Variants in SF3B3 observed in about 807,000 individuals in gnomAD.
The protein encoded by SF3B3 is SAP 130.
Under a neutral mutation model 139.2 loss-of-function variants are expected in SF3B3, and 33 were observed. The ratio of observed to expected loss-of-function variants is 0.24; its 90% confidence interval spans 0.18 to 0.32. The LOEUF (loss-of-function observed/expected upper bound fraction) is 0.32, where lower values mean the gene tolerates loss of function less well. Ranked by LOEUF, SF3B3 falls within the 10% of genes least tolerant of loss-of-function variation. SF3B3 has a pLI of 1.00. For synonymous variants in SF3B3, 596 were observed against 563.6 expected (o/e 1.06, Z -0.81); for missense variants, 818 against 1,509.4 (o/e 0.54, Z 7.59).
rs1403325817 is a variant in SF3B3 at position 70,569,043 on chromosome 16, G to A, written c.3166G>A (p.Val1056Met). 1 of 1,605,888 alleles carries A rather than the reference G, an allele frequency of 6.2e-7. No individual in the cohort carries two copies. Among genetic ancestry groups the A allele is most frequent in the Non-Finnish European group, 8.5e-7 (1 of 1,175,920 alleles). Residue 1056 changes from valine (V) to methionine (M), a missense_variant and splice_region_variant, in exon 23 of 26, where the codon GTG (valine) becomes ATG (methionine). Val to Met is a conservative substitution (Grantham distance 21). Around this residue, in one of 14 missense-constraint regions of SF3B3, gnomAD observed 91 missense variants for 171.8 expected, o/e 0.53. Coordinates refer to ENST00000302516, the MANE Select transcript of SF3B3 (RefSeq NM_012426.5). ...GADKFGNICVVRLPPNTNDEV... is the reference protein window; with the variant it reads ...GADKFGNICVMRLPPNTNDEV... ...TGTGACTTGTGTCACTTCCTTGTAG[G>A]TGAGGCTCCCACCTAACACCAATGA...
At chr16:70,538,492 A>G (rs769955341) in intron 7 of SF3B3, 32 bp downstream of exon 7, 3 of 1,570,924 alleles carry the variant, frequency 1.9e-6, no homozygotes, top group South Asian at 2.3e-5. Flanking sequence ...CAGTATAGCT[A>G]CTCTATGAGA....
At chr16:70,563,701 T>C in intron 17 of SF3B3, 175 bp from the exon 18 acceptor site, 1 of 584,146 alleles carries the variant, frequency 1.7e-6, no homozygotes, top group Non-Finnish European at 3.0e-6. Flanking sequence ...CCTTCCTGGA[T>C]CTCTGTGTCT....
rs370612617 is a variant in SF3B3, at chr16:70,535,268, C to A, written c.713-40C>A. Reference sequence around the variant, plus strand: ...AGTTGAAAGCTGAAGAAATTCATGTCTGAGTCAAAGTCACTGCTAAGTTTT... The same window carrying A: ...AGTTGAAAGCTGAAGAAATTCATGTATGAGTCAAAGTCACTGCTAAGTTTT... On this transcript the variant is annotated intron_variant, in intron 5 of 25. Coordinates refer to ENST00000302516, the MANE Select transcript of SF3B3 (RefSeq NM_012426.5). The A allele has an allele frequency of 1.2e-5, 13 of 1,042,250 alleles. No homozygotes were observed. The African/African-American group carries it at 1.5e-4, about 12-fold the overall frequency. The allele number at this position is 1,042,250 out of a possible 1,614,324, so 64.6% of individuals were successfully genotyped here.
chr16:70,541,857 TTCCACAA>T, intron 9 of SF3B3, 23 bp downstream of exon 9: 1 of 1,599,178 alleles, frequency 6.3e-7, no homozygotes, highest in East Asian at 2.2e-5. Context: ...TTCCAGCCCC[TTCCACAA>T]TAGATCTAAA....
At chr16:70,563,673 G>A in intron 17 of SF3B3, 2 of 546,194 alleles carry the variant, frequency 3.7e-6, no homozygotes, top group Non-Finnish European at 6.5e-6. Flanking sequence ...GTGGTAGGGT[G>A]TTGCCAAATG....
At chr16:70,566,057 C>T (rs2050473149) in intron 20 of SF3B3, among the ~76,000 whole-genome samples, 1 of 150,764 alleles carries the variant, frequency 6.6e-6, no homozygotes. Context: ...GCGGAGGTTG[C>T]AGTGAGCCGA....
At chr16:70,543,700 T>C (rs2050241377) in intron 9 of SF3B3, among the ~76,000 whole-genome samples, 1 of 151,460 alleles carries the variant, frequency 6.6e-6, no homozygotes, top group Admixed American at 6.6e-5. Context: ...AGAGTGAGAC[T>C]CTGTCTTAAA....
Position 70,526,739 on chromosome 16 carries a change from G to A in SF3B3, c.70+13G>A, listed in dbSNP as rs745374001. ...GGAAACTTTTCTGGTAAGTTCTCTCGTTACCATCTTTTGAAATTTTAAGTG... is the reference window on the plus strand; with the variant it reads ...GGAAACTTTTCTGGTAAGTTCTCTCATTACCATCTTTTGAAATTTTAAGTG... On this transcript the variant is annotated intron_variant, in intron 2 of 25. Coordinates refer to ENST00000302516, the MANE Select transcript of SF3B3 (RefSeq NM_012426.5). 7.6e-6 allele frequency: 12 copies of A among 1,587,638 alleles called. No individual in the cohort carries two copies. Among genetic ancestry groups the A allele is most frequent in the East Asian group, 6.7e-5 (3 of 44,742 alleles).
intron 16 of SF3B3, 75 bp from the exon 17 acceptor site, chr16:70,561,555 G>T: frequency 7.7e-7 from 1 of 1,299,398 alleles, no homozygotes; most frequent in Non-Finnish European, 1.1e-6. Context: ...TGGGGATAGG[G>T]CTTTTGGTCA....
At chr16:70,529,313 A>G (rs1174434223) in intron 3 of SF3B3, 114 bp downstream of exon 3, 2 of 830,696 alleles carry the variant, frequency 2.4e-6, no homozygotes, top group African/African-American at 3.4e-5. Flanking sequence ...TCATGTTTGG[A>G]TTTACTCTAG....
In SF3B3 at chr16:70,564,063, A is replaced by T; in HGVS notation, c.2463+13A>T. 1.2e-6 allele frequency: 2 copies of T among 1,612,132 alleles called. No homozygotes were observed. Among genetic ancestry groups the T allele is most frequent in the Non-Finnish European group, 1.7e-6 (2 of 1,179,182 alleles). ...GCAGATGGCAGAGGTAATGAGACTA[A>T]CGTTCAGGGGTTCTATTAAAAGATG... On this transcript the variant is annotated intron_variant, in intron 18 of 25. Transcript: ENST00000302516.
chr16:70,568,615 C>A, intron 22 of SF3B3, 120 bp downstream of exon 22: 1 of 739,044 alleles, frequency 1.4e-6, no homozygotes. Flanking sequence ...AAATTCCATC[C>A]TACTAAAGCT....
chr16:70,545,433 G>A lies in SF3B3; in HGVS notation c.1329+900G>A, dbSNP rs570547993. On this transcript the variant is annotated intron_variant, in intron 10 of 25. Coordinates refer to ENST00000302516, the MANE Select transcript of SF3B3 (RefSeq NM_012426.5). ...GTGGGTAGATCATAATTTATTTAGT[G>A]AATCTTTTATTGCTGGACTTTTTAG... 1.8e-4 allele frequency among the ~76,000 whole-genome samples: 28 copies of A among 152,268 alleles called. 1 individual carries two copies. The highest frequency in any genetic ancestry group is 3.4e-3 in the Middle Eastern group (1 of 294).
chr16:70,572,665 G>C lies in SF3B3; in HGVS notation c.*852G>C, dbSNP rs1017721183. The C allele has an allele frequency of 6.5e-6, 1 of 153,372 alleles. No individual in the cohort carries two copies. The highest frequency in any genetic ancestry group is 1.4e-5 in the Non-Finnish European group (1 of 69,038). The allele number at this position is 153,372 out of a possible 1,614,324, so 9.5% of individuals were successfully genotyped here. ...CTTTTACTGATACAGCACCTAAAGC[G>C]ATCTTTGGCTCCATAGGACCATAGG... On this transcript the variant is annotated 3_prime_UTR_variant, in exon 26 of 26. Transcript: ENST00000302516.
In SF3B3 at chr16:70,554,537, G is replaced by T; in HGVS notation, c.1494G>T (p.Gly498=). 6.2e-7 allele frequency: 1 copy of T among 1,614,198 alleles called. No homozygotes were observed. Among genetic ancestry groups the T allele is most frequent in the Non-Finnish European group, 8.5e-7 (1 of 1,180,018 alleles). ...GETVEEVTDS[G]FLGTTPTLSC... is the part of the protein sequence containing the mutation. ...CTGTAGAAGAAGTGACTGACTCTGG[G>T]TTCCTGGGGACCACCCCGACCTTGT... The change falls in exon 12 of 26, where the codon GGG becomes GGT. Residue 498 remains glycine, a synonymous_variant. Transcript: ENST00000302516.
intron 11 of SF3B3, 38 bp from the exon 12 acceptor site, chr16:70,554,408 A>C: frequency 6.2e-7 from 1 of 1,602,358 alleles, no homozygotes; most frequent in South Asian, 1.1e-5. Flanking sequence ...AATTCTAATG[A>C]GTTCTTATCT....
At chr16:70,560,766 T>C (rs949084170) in intron 16 of SF3B3, among the ~76,000 whole-genome samples, 175 bp downstream of exon 16, 5 of 152,238 alleles carry the variant, frequency 3.3e-5, no homozygotes, top group Admixed American at 1.3e-4. Flanking sequence ...TGGGGCTCCA[T>C]CGCACCATGT....
At chr16:70,547,780 C>T (rs924827117) in intron 10 of SF3B3, among the ~76,000 whole-genome samples, 5 of 152,248 alleles carry the variant, frequency 3.3e-5, no homozygotes, top group African/African-American at 1.2e-4. Flanking sequence ...TTTGCAGAGA[C>T]GGGTTTCACC....
intron 25 of SF3B3, 24 bp from the exon 26 acceptor site, chr16:70,571,647 TTC>T: frequency 6.3e-7 from 1 of 1,591,710 alleles, no homozygotes; most frequent in Non-Finnish European, 8.5e-7. Flanking sequence ...ACCATTTTTT[TTC>T]TTTCTGCTTT....
Sources: allele counts gnomAD v4.1 joint callset (sites outside exome capture counted in the v4.1 genomes callset), GRCh38; gene constraint gnomAD v4.1.1; regional missense constraint gnomAD v4.1.1; transcripts MANE v1.5; gene names NCBI Gene and HGNC (gene_info 2026-07-23, HGNC 2026-07-21).